Variants in LRFN2 observed in about 807,000 individuals in gnomAD.
The protein encoded by LRFN2 is leucine-rich repeat and fibronectin type-III domain-containing protein 2.
LRFN2 carries 18 observed loss-of-function variants against 37.3 expected under a neutral mutation model. That is an observed-to-expected ratio of 0.48 (90% CI 0.33 to 0.72). LRFN2 has a LOEUF of 0.72. LRFN2 is among the 30% of genes least tolerant of loss of function. The pLI is 0.02. For missense variants in LRFN2, 1,006 were observed against 1,060.7 expected, an observed-to-expected ratio of 0.95 and a Z score of 0.72; for synonymous variants, 556 against 466.6, an observed-to-expected ratio of 1.19 and a Z score of -2.47.
intron 1 of LRFN2, among the ~76,000 whole-genome samples, chr6:40,466,992 C>T (rs1346152874): frequency 2.0e-5 from 3 of 152,062 alleles, no homozygotes; most frequent in South Asian, 2.1e-4. Flanking sequence ...AAGACGGCCA[C>T]CTACAAGTCA....
intron 1 of LRFN2, among the ~76,000 whole-genome samples, chr6:40,548,873 AG>A (rs1328263134): frequency 6.6e-6 from 1 of 152,244 alleles, no homozygotes; most frequent in African/African-American, 2.4e-5. Flanking sequence ...CACAGAGCAC[AG>A]GGAAATGAAG....
chr6:40,497,763 C>T (rs528704518), intron 1 of LRFN2, among the ~76,000 whole-genome samples: 50 of 152,246 alleles, frequency 3.3e-4, no homozygotes, highest in African/African-American at 1.1e-3. Flanking sequence ...TTCCTGTCTT[C>T]CCCAGGATTG....
At chr6:40,466,606 C>T (rs993057429) in intron 1 of LRFN2, among the ~76,000 whole-genome samples, 2 of 152,140 alleles carry the variant, frequency 1.3e-5, no homozygotes, top group African/African-American at 2.4e-5. Context: ...ATACAGCATC[C>T]TGGGCTGGAC....
chr6:40,559,763 C>T (rs1183643260), intron 1 of LRFN2, among the ~76,000 whole-genome samples: 1 of 152,168 alleles, frequency 6.6e-6, no homozygotes, highest in Non-Finnish European at 1.5e-5. Context: ...AGCACCCTCC[C>T]AAAACTGAAG....
intron 1 of LRFN2, among the ~76,000 whole-genome samples, chr6:40,524,456 C>T (rs1189353565): frequency 6.6e-6 from 1 of 151,274 alleles, no homozygotes; most frequent in Non-Finnish European, 1.5e-5. Flanking sequence ...CACTCACACA[C>T]ACACCCCTGC....
rs529578986 is a variant in LRFN2 at position 40,419,268 on chromosome 6, T to A, written c.1400+12446A>T. ...ATTCCCTGCACCTTGCCTTTGGGCT[T>A]GGCCATGTAACTTGCTGTGGCTAGC... On this transcript the variant is annotated intron_variant, in intron 2 of 2. Coordinates refer to ENST00000338305, the MANE Select transcript of LRFN2 (RefSeq NM_020737.3). Among the ~76,000 whole-genome samples, 11 of 152,330 alleles carry A rather than the reference T, an allele frequency of 7.2e-5. No homozygotes were observed. The East Asian group carries it at 2.1e-3, about 29-fold the overall frequency.
chr6:40,438,985 T>C (rs1002903982), intron 1 of LRFN2, among the ~76,000 whole-genome samples: 4 of 152,076 alleles, frequency 2.6e-5, no homozygotes, highest in Non-Finnish European at 5.9e-5. Flanking sequence ...ATAATGAACA[T>C]GGTGGCAGAA....
At chr6:40,402,437 G>C (rs961207484) in intron 2 of LRFN2, among the ~76,000 whole-genome samples, 6 of 152,134 alleles carry the variant, frequency 3.9e-5, no homozygotes, top group African/African-American at 1.4e-4. Flanking sequence ...CAGGCCAACT[G>C]TTTGCCAGCA....
chr6:40,534,674 A>G (rs954205830), intron 1 of LRFN2, among the ~76,000 whole-genome samples: 1 of 152,124 alleles, frequency 6.6e-6, no homozygotes, highest in African/African-American at 2.4e-5. Flanking sequence ...CCTGACACAT[A>G]TCAGGTATTG....
chr6:40,533,872 G>A (rs764737529), intron 1 of LRFN2, among the ~76,000 whole-genome samples: 20 of 152,314 alleles, frequency 1.3e-4, no homozygotes, highest in African/African-American at 2.6e-4. Flanking sequence ...CTGGAGCAGC[G>A]TGGCATCATT....
intron 1 of LRFN2, among the ~76,000 whole-genome samples, chr6:40,457,591 A>G (rs941418651): frequency 2.7e-5 from 4 of 148,286 alleles, no homozygotes; most frequent in African/African-American, 1.0e-4. Context: ...GTGAGCCATG[A>G]TCATACCTCT....
intron 2 of LRFN2, among the ~76,000 whole-genome samples, chr6:40,393,322 A>G (rs150447696): frequency 2.0e-5 from 3 of 151,592 alleles, no homozygotes; most frequent in Non-Finnish European, 4.4e-5. Flanking sequence ...GTCAGAGACC[A>G]AGGATGTGTC....
At chr6:40,515,030 C>G (rs1765822615) in intron 1 of LRFN2, among the ~76,000 whole-genome samples, 1 of 152,240 alleles carries the variant, frequency 6.6e-6, no homozygotes, top group East Asian at 1.9e-4. Flanking sequence ...CAGTCCTGGT[C>G]ACTCTCTAGT....
At chr6:40,405,571 G>A (rs1300549867) in intron 2 of LRFN2, among the ~76,000 whole-genome samples, 1 of 152,150 alleles carries the variant, frequency 6.6e-6, no homozygotes, top group Non-Finnish European at 1.5e-5. Flanking sequence ...CCAAGGAAAT[G>A]CCTCTCTGAT....
intron 1 of LRFN2, among the ~76,000 whole-genome samples, chr6:40,448,519 G>A (rs965498294): frequency 2.6e-5 from 4 of 152,282 alleles, no homozygotes; most frequent in East Asian, 1.9e-4. Context: ...TCCTCCGTCA[G>A]CCCTAATCTT....
chr6:40,425,339 T>C (rs2113818239), intron 2 of LRFN2, among the ~76,000 whole-genome samples: 1 of 152,360 alleles, frequency 6.6e-6, no homozygotes, highest in East Asian at 1.9e-4. Context: ...GCATGCCTGC[T>C]CTTCCCCTGG....
intron 1 of LRFN2, among the ~76,000 whole-genome samples, chr6:40,484,013 G>A (rs1328043469): frequency 6.6e-6 from 1 of 152,190 alleles, no homozygotes; most frequent in Non-Finnish European, 1.5e-5. Flanking sequence ...ATACACAGTA[G>A]GCAGAATTTG....
At chr6:40,537,653 T>C (rs1766475509) in intron 1 of LRFN2, among the ~76,000 whole-genome samples, 1 of 152,162 alleles carries the variant, frequency 6.6e-6, no homozygotes, top group African/African-American at 2.4e-5. Context: ...TGTTCCTGTC[T>C]GTGGGGGTGG....
At chr6:40,521,828 C>T (rs542793511) in intron 1 of LRFN2, among the ~76,000 whole-genome samples, 84 of 152,326 alleles carry the variant, frequency 5.5e-4, no homozygotes, top group Non-Finnish European at 9.1e-4. Context: ...TGAACACAGA[C>T]CACAGGGGGA....
Sources: gnomAD v4.1 joint callset for allele counts (sites outside exome capture counted in the v4.1 genomes callset) on GRCh38, gnomAD v4.1.1 for gene constraint, MANE v1.5 for transcripts, NCBI Gene and HGNC (gene_info 2026-07-23, HGNC 2026-07-21) for gene names.